The following UHRF2 variants were observed in gnomAD, a reference collection of about 807,000 sequenced individuals.
The protein encoded by UHRF2 is E3 ubiquitin-protein ligase UHRF2.
UHRF2 carries 23 observed loss-of-function variants against 96.8 expected under a neutral mutation model. The ratio of observed to expected loss-of-function variants is 0.24; its 90% CI spans 0.17 to 0.34. The LOEUF (loss-of-function observed/expected upper bound fraction) is 0.34, where lower values mean the gene tolerates loss of function less well. Among genes scored for constraint, UHRF2 ranks in the 10% least tolerant of loss-of-function variants. The probability of loss-of-function intolerance (pLI) is 1.00; values close to 1 mark genes in which losing one functional copy is unlikely to be tolerated. For synonymous variants in UHRF2, 385 were observed against 332.6 expected (o/e 1.16, Z -1.72); for missense variants, 685 against 981.5 (o/e 0.70, Z 4.04).
chr9:6,413,670 C>A lies in UHRF2; in HGVS notation c.153+27C>A, dbSNP rs749483905. ...TGAGGCGCGCCCGCCGCGCCCCTAG[C>A]GAGGCTGGGGGCCGGAACAGCTGGG... On this transcript the variant is annotated intron_variant, in intron 1 of 15. Coordinates refer to ENST00000276893, the MANE Select transcript of UHRF2 (RefSeq NM_152896.3). The A allele has an allele frequency of 1.5e-5, 23 of 1,544,060 alleles. No individual in the cohort carries two copies. In the South Asian group the frequency reaches 2.0e-4, roughly 14 times the overall value.
At chr9:6,484,577 G>GT (rs112488803) in intron 8 of UHRF2, 4,325 of 132,510 alleles carry the variant, frequency 0.033, 98 homozygotes, top group African/African-American at 0.067. Context: ...TGATTTTTGT[G>GT]TTTTTTTTTT....
In UHRF2 at chr9:6,498,071, C is replaced by T; in HGVS notation, c.1821C>T (p.Arg607=). Residue 607 remains arginine (R), a synonymous_variant, in exon 12 of 16, where the codon CGC becomes CGT. Coordinates refer to ENST00000276893, the MANE Select transcript of UHRF2 (RefSeq NM_152896.3). ...ISSSHGFLVW[R]YLLRRDDVEP... is the part of the protein sequence containing the mutation. The stretch of plus-strand genomic sequence containing the variant: ...CAAGCCATGGATTCTTGGTTTGGCG[C>T]TATCTTTTAAGAAGAGATGATGTTG... The T allele has an allele frequency of 1.9e-6, 3 of 1,613,808 alleles. No individual in the cohort carries two copies. Among genetic ancestry groups the T allele is most frequent in the Non-Finnish European group, 2.5e-6 (3 of 1,179,956 alleles).
At chr9:6,490,178 G>C (rs1824573176) in intron 9 of UHRF2, among the ~76,000 whole-genome samples, 1 of 152,098 alleles carries the variant, frequency 6.6e-6, no homozygotes, top group South Asian at 2.1e-4. Flanking sequence ...TTTGAGACTT[G>C]GGCCAAATTA....
At chr9:6,483,196 G>A (rs867830111) in intron 8 of UHRF2, among the ~76,000 whole-genome samples, 2 of 152,004 alleles carry the variant, frequency 1.3e-5, no homozygotes, top group Non-Finnish European at 2.9e-5. Context: ...GTGGTGGCAA[G>A]CGCCTATAAT....
chr9:6,500,538 T>A lies in UHRF2; in HGVS notation c.2006-14T>A. The A allele has an allele frequency of 6.3e-7, 1 of 1,599,772 alleles. No individual in the cohort carries two copies. Among genetic ancestry groups the A allele is most frequent in the Non-Finnish European group, 8.5e-7 (1 of 1,175,366 alleles). On this transcript the variant is annotated splice_polypyrimidine_tract_variant and intron_variant, in intron 13 of 15. Transcript: ENST00000276893. ...ACTTGTAAGTCTGCTGATACATTTT[T>A]AAAATAAATCTAGATGACTGTCCAA...
intron 3 of UHRF2, among the ~76,000 whole-genome samples, chr9:6,460,202 A>AATAG (rs1452284950): frequency 6.6e-6 from 1 of 152,248 alleles, no homozygotes; most frequent in Non-Finnish European, 1.5e-5. Flanking sequence ...TACGTGACTG[A>AATAG]ATAGATACAT....
At chr9:6,471,440 G>C (rs922119911) in intron 4 of UHRF2, among the ~76,000 whole-genome samples, 22 of 152,084 alleles carry the variant, frequency 1.4e-4, no homozygotes, top group African/African-American at 5.1e-4. Flanking sequence ...CACTAGGGTG[G>C]CTCTTTGTGA....
intron 3 of UHRF2, among the ~76,000 whole-genome samples, chr9:6,436,028 G>C (rs1168184785): frequency 1.3e-5 from 2 of 152,222 alleles, no homozygotes; most frequent in Non-Finnish European, 2.9e-5. Context: ...GAAAGTTACT[G>C]TTGGGACAGA....
chr9:6,490,991 T>C (rs996782784), intron 9 of UHRF2, among the ~76,000 whole-genome samples: 2 of 152,242 alleles, frequency 1.3e-5, no homozygotes, highest in African/African-American at 4.8e-5. Flanking sequence ...GGTATAAATT[T>C]CATGAAGCCA....
intron 8 of UHRF2, among the ~76,000 whole-genome samples, chr9:6,484,390 C>G (rs1824122582): frequency 6.6e-6 from 1 of 150,820 alleles, no homozygotes; most frequent in Non-Finnish European, 1.5e-5. Context: ...GTGGCAGCAG[C>G]TTCTCCTCCT....
chr9:6,457,171 CTTT>C (rs948115918), intron 3 of UHRF2, among the ~76,000 whole-genome samples: 2 of 151,882 alleles, frequency 1.3e-5, no homozygotes, highest in African/African-American at 4.8e-5. Context: ...TTTGTGTCCT[CTTT>C]TTTTTCGTTG....
Position 6,486,869 on chromosome 9 carries a change from C to A in UHRF2, c.1441C>A (p.Arg481=), listed in dbSNP as rs1312464471. 1 of 1,614,054 alleles carries A rather than the reference C, an allele frequency of 6.2e-7. No individual in the cohort carries two copies. The highest frequency in any genetic ancestry group is 8.5e-7 in the Non-Finnish European group (1 of 1,179,998). Residue 481 remains arginine (R), a synonymous_variant, in exon 9 of 16, where the codon CGA becomes AGA. Coordinates refer to ENST00000276893, the MANE Select transcript of UHRF2 (RefSeq NM_152896.3). ...ACCCCATGTTGGTGGAATTCATGGT[C>A]GAAGTAATGATGGGGCTTATTCTCT... ...HRPHVGGIHG[R]SNDGAYSLVL...
chr9:6,432,137 C>G (rs540982210), intron 2 of UHRF2, among the ~76,000 whole-genome samples: 66 of 152,272 alleles, frequency 4.3e-4, no homozygotes, highest in African/African-American at 1.5e-3. Context: ...ATAACATGCT[C>G]CATCTCTGAT....
At chr9:6,497,420 G>C in intron 11 of UHRF2, 60 bp downstream of exon 11, 1 of 1,584,258 alleles carries the variant, frequency 6.3e-7, no homozygotes, top group Non-Finnish European at 8.6e-7. Flanking sequence ...AGGCAGGGTT[G>C]TTGCAAGGAA....
At chr9:6,469,222 T>C (rs1823064703) in intron 4 of UHRF2, among the ~76,000 whole-genome samples, 1 of 152,126 alleles carries the variant, frequency 6.6e-6, no homozygotes, top group Admixed American at 6.6e-5. Context: ...GTTAAATTGA[T>C]TTAATAACAA....
chr9:6,432,345 C>G (rs1563750913), intron 2 of UHRF2, among the ~76,000 whole-genome samples: 1 of 152,144 alleles, frequency 6.6e-6, no homozygotes, highest in Non-Finnish European at 1.5e-5. Flanking sequence ...TCTTTCTACC[C>G]TCTGTCATTT....
At chr9:6,426,534 G>A (rs1820269924) in intron 2 of UHRF2, among the ~76,000 whole-genome samples, 1 of 152,158 alleles carries the variant, frequency 6.6e-6, no homozygotes, top group Admixed American at 6.5e-5. Context: ...ATGAACCTTA[G>A]TAATTGTCAT....
chr9:6,483,939 T>C (rs1587859867), intron 8 of UHRF2, among the ~76,000 whole-genome samples: 1 of 152,214 alleles, frequency 6.6e-6, no homozygotes, highest in East Asian at 1.9e-4. Context: ...TCTGCCTGTC[T>C]CAGCCTCCCA....
chr9:6,477,931 G>C (rs1587851490), intron 6 of UHRF2, 123 bp downstream of exon 6: 1 of 817,554 alleles, frequency 1.2e-6, no homozygotes. Flanking sequence ...GTTATGGCCA[G>C]TGGTTACTTA....
Sources: allele counts gnomAD v4.1 joint callset (sites outside exome capture counted in the v4.1 genomes callset), GRCh38; gene constraint gnomAD v4.1.1; transcripts MANE v1.5; gene names NCBI Gene and HGNC (gene_info 2026-07-23, HGNC 2026-07-21).